RBKS: variants seen among roughly 807,000 people sequenced by gnomAD.
RBKS encodes ribokinase.
RBKS carries 33 observed loss-of-function variants against 33.9 expected under a neutral mutation model. That is an observed-to-expected ratio of 0.97 (90% CI 0.74 to 1.30). The LOEUF (loss-of-function observed/expected upper bound fraction) is 1.30. Among genes scored for constraint, RBKS ranks in the 50% most tolerant of loss-of-function variants. RBKS has a pLI of 0.00. For missense variants in RBKS, 361 were observed against 392.6 expected (o/e 0.92, Z 0.68); for synonymous variants, 125 against 143.0 (o/e 0.87, Z 0.90).
At chr2:27,813,352 A>G (rs1256427909) in intron 7 of RBKS, among the ~76,000 whole-genome samples, 1 of 152,232 alleles carries the variant, frequency 6.6e-6, no homozygotes, top group Non-Finnish European at 1.5e-5. Context: ...GAAACTACAG[A>G]CACATGTTTA....
rs138711133 is a variant in RBKS at position 27,860,501 on chromosome 2, G to A, written c.90-1930C>T. On this transcript the variant is annotated intron_variant, in intron 1 of 7. Transcript: ENST00000302188. Reference sequence around the variant, plus strand: ...ATGATTTCCACTACATCTATACTTAGATCTGGGTTACAATTCACTGGTTTG... The same window carrying A: ...ATGATTTCCACTACATCTATACTTAAATCTGGGTTACAATTCACTGGTTTG... 6.6e-5 allele frequency among the ~76,000 whole-genome samples: 10 copies of A among 152,240 alleles called. No homozygotes were observed. In the East Asian group the frequency reaches 1.5e-3, roughly 23 times the overall value.
At chr2:27,881,242 T>C (rs914549003) in intron 1 of RBKS, among the ~76,000 whole-genome samples, 4 of 151,870 alleles carry the variant, frequency 2.6e-5, no homozygotes, top group African/African-American at 4.8e-5. Context: ...AGCAAGATCC[T>C]GTCTCAAGAA....
chr2:27,875,944 A>C (rs980623459), intron 1 of RBKS, among the ~76,000 whole-genome samples: 1 of 152,212 alleles, frequency 6.6e-6, no homozygotes, highest in African/African-American at 2.4e-5. Flanking sequence ...ATGGGAGACG[A>C]AACAAAAAAA....
At chr2:27,839,649 G>A (rs1663429818) in intron 5 of RBKS, among the ~76,000 whole-genome samples, 1 of 152,186 alleles carries the variant, frequency 6.6e-6, no homozygotes, top group Admixed American at 6.5e-5. Flanking sequence ...TTCACTACCT[G>A]TAAGCAGTAA....
intron 1 of RBKS, among the ~76,000 whole-genome samples, chr2:27,885,536 G>A (rs1196667132): frequency 6.6e-6 from 1 of 151,986 alleles, no homozygotes; most frequent in African/African-American, 2.4e-5. Flanking sequence ...CGGCCTTTGA[G>A]TACACTATTC....
At chr2:27,815,362 C>G (rs568851250) in intron 7 of RBKS, among the ~76,000 whole-genome samples, 6 of 152,136 alleles carry the variant, frequency 3.9e-5, no homozygotes, top group Non-Finnish European at 5.9e-5. Flanking sequence ...CGTGTGCCAC[C>G]ATGCTGGCTA....
chr2:27,811,311 CTTA>C (rs1677981670), intron 7 of RBKS, among the ~76,000 whole-genome samples: 1 of 152,220 alleles, frequency 6.6e-6, no homozygotes, highest in South Asian at 2.1e-4. Flanking sequence ...CAGGGACTGT[CTTA>C]TTATGCCAGT....
Position 27,858,585 on chromosome 2 carries a change from A to C in RBKS, c.90-14T>G. On this transcript the variant is annotated splice_polypyrimidine_tract_variant and intron_variant, in intron 1 of 7. Transcript: ENST00000302188. ...CGAGAAGTAAGACTATTGTAATTTAAAAAGAGAAGAAAAAAGCATATTGGT... is the reference window on the plus strand; with the variant it reads ...CGAGAAGTAAGACTATTGTAATTTACAAAGAGAAGAAAAAAGCATATTGGT... 6.2e-7 allele frequency: 1 copy of C among 1,607,500 alleles called. No homozygotes were observed. Among genetic ancestry groups the C allele is most frequent in the Non-Finnish European group, 8.5e-7 (1 of 1,177,192 alleles).
intron 7 of RBKS, among the ~76,000 whole-genome samples, chr2:27,794,624 C>CTT (rs199640528): frequency 4.3e-5 from 6 of 139,254 alleles, no homozygotes; most frequent in South Asian, 2.3e-4. Context: ...GTTTTTTTTT[C>CTT]TTTTTTTTTT....
At chr2:27,876,319 A>C (rs1002325140) in intron 1 of RBKS, among the ~76,000 whole-genome samples, 1 of 152,226 alleles carries the variant, frequency 6.6e-6, no homozygotes, top group Non-Finnish European at 1.5e-5. Context: ...GAAAATTCTG[A>C]AACATGCTAC....
At chr2:27,803,119 T>G (rs1677832047) in intron 7 of RBKS, among the ~76,000 whole-genome samples, 1 of 152,192 alleles carries the variant, frequency 6.6e-6, no homozygotes, top group Admixed American at 6.5e-5. Flanking sequence ...CACGTGCCAC[T>G]GTACCTGGCC....
intron 7 of RBKS, among the ~76,000 whole-genome samples, chr2:27,815,712 G>A (rs1678078829): frequency 6.6e-6 from 1 of 152,190 alleles, no homozygotes; most frequent in Non-Finnish European, 1.5e-5. Flanking sequence ...GGGTGGACAG[G>A]TGGGGCTTAG....
intron 1 of RBKS, among the ~76,000 whole-genome samples, chr2:27,878,437 A>G (rs1004452808): frequency 3.9e-5 from 6 of 151,918 alleles, no homozygotes; most frequent in Non-Finnish European, 8.8e-5. Context: ...TCATTGTTGG[A>G]CATTTGGGTT....
chr2:27,857,383 T>G (rs1328873323), intron 2 of RBKS, among the ~76,000 whole-genome samples: 1 of 152,210 alleles, frequency 6.6e-6, no homozygotes, highest in Admixed American at 6.5e-5. Flanking sequence ...AGTGAAAACT[T>G]TTGGCAGCCC....
intron 7 of RBKS, among the ~76,000 whole-genome samples, chr2:27,783,606 C>A (rs1020040022): frequency 6.6e-6 from 1 of 152,092 alleles, no homozygotes; most frequent in East Asian, 1.9e-4. Context: ...TACACAGTCT[C>A]ACTTGAAAAA....
chr2:27,878,180 C>A (rs543924776), intron 1 of RBKS, among the ~76,000 whole-genome samples: 1 of 151,958 alleles, frequency 6.6e-6, no homozygotes. Flanking sequence ...ATCCCTCCCC[C>A]CTGCCCCCAC....
At chr2:27,852,737 A>G (rs1345377027) in intron 2 of RBKS, among the ~76,000 whole-genome samples, 1 of 152,232 alleles carries the variant, frequency 6.6e-6, no homozygotes, top group Non-Finnish European at 1.5e-5. Flanking sequence ...AGAAGTTATC[A>G]CATATATTAA....
At position 27,815,136 on chromosome 2, in the gene RBKS, A is replaced by C. The variant is rs572932876; in HGVS notation, c.795+12431T>G. ...TATTTCCTTGTCCAACTCCATCAGCAGCAATGGGCATTGAGGGCAGTGGGC... is the reference window on the plus strand; with the variant it reads ...TATTTCCTTGTCCAACTCCATCAGCCGCAATGGGCATTGAGGGCAGTGGGC... On this transcript the variant is annotated intron_variant, in intron 7 of 7. Transcript: ENST00000302188. Among the ~76,000 whole-genome samples the C allele has an allele frequency of 2.6e-5, 4 of 152,222 alleles. No individual in the cohort carries two copies. In the South Asian group the frequency reaches 8.3e-4, roughly 32 times the overall value.
intron 1 of RBKS, among the ~76,000 whole-genome samples, chr2:27,883,998 G>T (rs898977187): frequency 6.6e-6 from 1 of 152,162 alleles, no homozygotes; most frequent in Non-Finnish European, 1.5e-5. Flanking sequence ...TAACTGATAA[G>T]CAACTTTTCA....
Sources: allele counts gnomAD v4.1 joint callset (sites outside exome capture counted in the v4.1 genomes callset), GRCh38; gene constraint gnomAD v4.1.1; transcripts MANE v1.5; gene names NCBI Gene and HGNC (gene_info 2026-07-23, HGNC 2026-07-21).